Variants in NCAPG2 observed in about 807,000 individuals in gnomAD.
NCAPG2 encodes the protein non-SMC condensin II complex subunit G2, also known as condensin-2 complex subunit G2.
NCAPG2 carries 53 observed loss-of-function variants against 141.1 expected under a neutral mutation model. That is an observed-to-expected ratio of 0.38 (90% CI 0.30 to 0.47). NCAPG2 has a LOEUF of 0.47. NCAPG2 is among the 20% of genes least tolerant of loss of function. The pLI is 0.99. For synonymous variants in NCAPG2, 499 were observed against 490.7 expected, an observed-to-expected ratio of 1.02 and a Z score of -0.22; for missense variants, 1,087 against 1,389.0, an observed-to-expected ratio of 0.78 and a Z score of 3.46.
intron 21 of NCAPG2, 43 bp from the exon 22 acceptor site, chr7:158,654,737 A>G: frequency 6.3e-7 from 1 of 1,587,024 alleles, no homozygotes; most frequent in African/African-American, 1.4e-5. Flanking sequence ...GCCATTTTTA[A>G]AAAGGGAGTA....
chr7:158,661,376 G>C (rs1223603001), intron 16 of NCAPG2, among the ~76,000 whole-genome samples: 1 of 151,686 alleles, frequency 6.6e-6, no homozygotes, highest in East Asian at 1.9e-4. Context: ...ATTTAGTTTT[G>C]AAATATAAAC....
intron 23 of NCAPG2, among the ~76,000 whole-genome samples, chr7:158,651,614 A>G (rs1018938934): frequency 2.0e-5 from 3 of 152,244 alleles, no homozygotes; most frequent in Non-Finnish European, 4.4e-5. Flanking sequence ...GCTCTCTCTG[A>G]TAACAACATC....
At chr7:158,694,724 T>G (rs896829909) in intron 2 of NCAPG2, among the ~76,000 whole-genome samples, 19 of 152,054 alleles carry the variant, frequency 1.2e-4, no homozygotes, top group Admixed American at 3.3e-4. Flanking sequence ...AAGCCCTCCA[T>G]CCCCCCATCC....
At chr7:158,701,674 TAA>T in intron 2 of NCAPG2, 146 bp downstream of exon 2, 1 of 714,518 alleles carries the variant, frequency 1.4e-6, no homozygotes, top group Non-Finnish European at 2.3e-6. Flanking sequence ...GATTTGAGTA[TAA>T]AGGGTTTTGT....
intron 15 of NCAPG2, among the ~76,000 whole-genome samples, chr7:158,663,329 A>G (rs530685988): frequency 1.3e-5 from 2 of 152,240 alleles, no homozygotes; most frequent in Non-Finnish European, 2.9e-5. Flanking sequence ...GGCTGTGAAG[A>G]CGGAAGTGGC....
chr7:158,644,245 G>A, intron 27 of NCAPG2, 44 bp downstream of exon 27: 1 of 1,468,608 alleles, frequency 6.8e-7, no homozygotes, highest in Non-Finnish European at 9.5e-7. Context: ...AAAGAAGAAT[G>A]AGCAGTTTTA....
At chr7:158,696,263 T>C (rs1835438012) in intron 2 of NCAPG2, 1 of 152,198 alleles carries the variant, frequency 6.6e-6, no homozygotes, top group South Asian at 2.1e-4. Context: ...CAGAGGGTGA[T>C]CCTGCACTTC....
chr7:158,687,517 C>T (rs1327168830), intron 6 of NCAPG2, 75 bp from the exon 7 acceptor site: 9 of 1,084,252 alleles, frequency 8.3e-6, no homozygotes, highest in East Asian at 2.4e-5. Flanking sequence ...ATTATTTGAA[C>T]GTCTAGTAAG....
intron 22 of NCAPG2, among the ~76,000 whole-genome samples, chr7:158,652,826 T>A (rs1231551146): frequency 2.6e-5 from 4 of 152,230 alleles, no homozygotes; most frequent in Non-Finnish European, 5.9e-5. Flanking sequence ...AACAGTGTTG[T>A]TGGTTCTGTT....
intron 27 of NCAPG2, among the ~76,000 whole-genome samples, chr7:158,643,508 T>C (rs1157236757): frequency 6.6e-6 from 1 of 152,212 alleles, no homozygotes; most frequent in African/African-American, 2.4e-5. Flanking sequence ...AAGTGAGCAT[T>C]AAGTGTATTG....
intron 21 of NCAPG2, 113 bp downstream of exon 21, chr7:158,655,003 AAG>A (rs1831799421): frequency 3.7e-5 from 9 of 245,582 alleles, no homozygotes; most frequent in Non-Finnish European, 5.5e-5. Context: ...ATGTCCCTGT[AAG>A]TTTTTAAGAA....
intron 22 of NCAPG2, among the ~76,000 whole-genome samples, chr7:158,653,364 CA>C (rs5888764): frequency 0.72 from 92,994 of 129,464 alleles, 31,774 homozygotes; most frequent in East Asian, 0.85. Flanking sequence ...GACTTGGTCT[CA>C]AAAAAAAAAA....
At chr7:158,655,022 TA>T in intron 21 of NCAPG2, 95 bp downstream of exon 21, 1 of 1,410,474 alleles carries the variant, frequency 7.1e-7, no homozygotes, top group Non-Finnish European at 9.5e-7. Flanking sequence ...AGAATAACAC[TA>T]ATGTCTAAAA....
chr7:158,641,999 A>G (rs559571836), intron 27 of NCAPG2, among the ~76,000 whole-genome samples: 2 of 152,322 alleles, frequency 1.3e-5, no homozygotes, highest in Admixed American at 6.5e-5. Flanking sequence ...ATTCTGAGCC[A>G]TAAGACACAC....
intron 12 of NCAPG2, among the ~76,000 whole-genome samples, chr7:158,674,678 C>G (rs1325950240): frequency 6.6e-6 from 1 of 152,206 alleles, no homozygotes; most frequent in Non-Finnish European, 1.5e-5. Flanking sequence ...AGGGCATGGC[C>G]GTGAGGCCCA....
chr7:158,641,492 T>C (rs190109995), intron 27 of NCAPG2: 87 of 681,480 alleles, frequency 1.3e-4, no homozygotes, highest in African/African-American at 7.6e-4. Context: ...GGCAGAAGGA[T>C]AGATTGAGTC....
chr7:158,692,895 A>C lies in NCAPG2; in HGVS notation c.329T>G (p.Ile110Arg), dbSNP rs374453769. Residue 110 changes from isoleucine to arginine, a missense_variant, in exon 4 of 28, where the codon ATA becomes AGA. Coordinates refer to ENST00000356309, the MANE Select transcript of NCAPG2 (RefSeq NM_017760.7). Reference protein sequence around the residue: ...TSVILASVSVINESENYEALL... With the variant: ...TSVILASVSVRNESENYEALL... ...GGCTTCGTAGTTCTCACTTTCATTT[A>C]TTACAGACACAGAAGCAAGAATCAC... The C allele has an allele frequency of 6.3e-7, 1 of 1,594,598 alleles. No individual in the cohort carries two copies. Among genetic ancestry groups the C allele is most frequent in the Non-Finnish European group, 8.6e-7 (1 of 1,166,418 alleles).
chr7:158,700,586 T>C (rs1382986600), intron 2 of NCAPG2, among the ~76,000 whole-genome samples: 1 of 152,256 alleles, frequency 6.6e-6, no homozygotes, highest in African/African-American at 2.4e-5. Context: ...ACTAATTTGC[T>C]CTTATAAACA....
chr7:158,646,997 C>T (rs1390378686), intron 24 of NCAPG2, among the ~76,000 whole-genome samples: 1 of 151,322 alleles, frequency 6.6e-6, no homozygotes, highest in Non-Finnish European at 1.5e-5. Context: ...GGCACTCCAG[C>T]CTGGGTGACA....
Sources: allele counts gnomAD v4.1 joint callset (sites outside exome capture counted in the v4.1 genomes callset), GRCh38; gene constraint gnomAD v4.1.1; transcripts MANE v1.5; gene names NCBI Gene and HGNC (gene_info 2026-07-23, HGNC 2026-07-21).